The following DCLK2 variants were observed in gnomAD, a reference collection of about 807,000 sequenced individuals.
DCLK2 encodes the protein serine/threonine-protein kinase DCLK2.
Under a neutral mutation model 78.4 loss-of-function variants are expected in DCLK2, and 31 were observed. The observed-to-expected ratio is 0.40, with a 90% confidence interval of 0.30 to 0.53. The LOEUF (loss-of-function observed/expected upper bound fraction) is 0.53. Among genes scored for constraint, DCLK2 ranks in the 20% least tolerant of loss-of-function variants. DCLK2 has a pLI of 0.61. For synonymous variants in DCLK2, 407 were observed against 374.9 expected (o/e 1.09, Z -0.99); for missense variants, 872 against 973.7 (o/e 0.90, Z 1.39).
intron 5 of DCLK2, among the ~76,000 whole-genome samples, chr4:150,215,694 T>C (rs911933605): frequency 1.3e-5 from 2 of 152,200 alleles, no homozygotes; most frequent in Admixed American, 6.5e-5. Flanking sequence ...GGAGGCTTCA[T>C]TACATAGGCA....
chr4:150,079,137 C>T lies in DCLK2; in HGVS notation c.110C>T (p.Ser37Leu). ...AGCTCCTCCGGGGGCAGCAGCAGCT[C>T]GGGCCCCAAGGGGAACGGGCTCATC... ...APSSSGGSSSSGPKGNGLIPS... is the reference protein window; with the variant it reads ...APSSSGGSSSLGPKGNGLIPS... The change falls in exon 1 of 16, where the codon TCG becomes TTG. Residue 37 changes from serine (S) to leucine (L), a missense_variant. Physicochemically the swap from Ser to Leu is moderately radical, Grantham distance 145. Transcript: ENST00000296550. 6.3e-7 allele frequency: 1 copy of T among 1,590,444 alleles called. No homozygotes were observed. The highest frequency in any genetic ancestry group is 1.2e-5 in the South Asian group (1 of 86,880).
intron 2 of DCLK2, among the ~76,000 whole-genome samples, chr4:150,136,976 C>CTCCTTT (rs1733734239): frequency 9.0e-6 from 1 of 110,702 alleles, no homozygotes; most frequent in African/African-American, 3.2e-5. Context: ...TCTTCTTCTT[C>CTCCTTT]TTCTTTTTTT....
chr4:150,172,447 CA>C (rs775545339), intron 2 of DCLK2, among the ~76,000 whole-genome samples: 22 of 146,822 alleles, frequency 1.5e-4, no homozygotes, highest in Non-Finnish European at 2.1e-4. Context: ...ACGAAAAATA[CA>C]AAAAAAAAAT....
intron 1 of DCLK2, 23 bp downstream of exon 1, chr4:150,079,471 G>T (rs753712394): frequency 1.3e-5 from 19 of 1,448,362 alleles, no homozygotes; most frequent in Non-Finnish European, 1.6e-5. Flanking sequence ...GGCGCCGCAC[G>T]GCAGGTGCGG....
chr4:150,250,444 G>A (rs757429898), intron 15 of DCLK2, among the ~76,000 whole-genome samples: 2 of 152,078 alleles, frequency 1.3e-5, no homozygotes, highest in Non-Finnish European at 2.9e-5. Context: ...GGGCGGGAAG[G>A]CCAGCTCACC....
At chr4:150,249,519 A>G in intron 14 of DCLK2, 49 bp from the exon 15 acceptor site, 1 of 1,547,628 alleles carries the variant, frequency 6.5e-7, no homozygotes, top group Non-Finnish European at 8.9e-7. Context: ...AGACAACTCA[A>G]ACGGGAGGAT....
chr4:150,124,819 T>G (rs906616500), intron 2 of DCLK2, among the ~76,000 whole-genome samples: 2 of 152,234 alleles, frequency 1.3e-5, no homozygotes, highest in African/African-American at 4.8e-5. Flanking sequence ...GATTTTCTCT[T>G]GCAGAGCATT....
chr4:150,217,956 C>CT (rs779721764), intron 5 of DCLK2, among the ~76,000 whole-genome samples: 103 of 152,344 alleles, frequency 6.8e-4, no homozygotes, highest in East Asian at 3.1e-3. Context: ...TGCTAAGAAG[C>CT]TGCATTTCCT....
At chr4:150,248,232 C>T in intron 13 of DCLK2, 73 bp from the exon 14 acceptor site, 1 of 1,385,388 alleles carries the variant, frequency 7.2e-7, no homozygotes, top group Non-Finnish European at 1.0e-6. Flanking sequence ...GCCACAAACT[C>T]AGATTTCTGT....
intron 8 of DCLK2, among the ~76,000 whole-genome samples, 169 bp downstream of exon 8, chr4:150,224,727 A>G (rs908808380): frequency 6.6e-6 from 1 of 152,202 alleles, no homozygotes; most frequent in Admixed American, 6.5e-5. Flanking sequence ...TATTTTTCAG[A>G]AACTTTAATC....
At position 150,175,121 on chromosome 4, in the gene DCLK2, TTA is replaced by T. The variant is rs1284988893; in HGVS notation, c.757-18006_757-18005del. 4.4e-4 allele frequency among the ~76,000 whole-genome samples: 36 copies of T among 80,978 alleles called. 5 individuals are homozygous for T. The highest frequency in any genetic ancestry group is 8.8e-4 in the African/African-American group (13 of 14,772). The allele number at this position is 80,978 out of a possible 152,430, so 53.1% of individuals were successfully genotyped here. A position where few individuals can be genotyped will look rare whatever the true frequency, so the allele number is the denominator to read the frequency against. On this transcript the variant is annotated intron_variant, in intron 2 of 15. Transcript: ENST00000296550. ...ATATATATTTATATATTTATATTTT[TTA>T]TATATATATAATTTATGTATATTTT...
At chr4:150,166,850 C>A (rs566795765) in intron 2 of DCLK2, among the ~76,000 whole-genome samples, 1 of 152,190 alleles carries the variant, frequency 6.6e-6, no homozygotes, top group Non-Finnish European at 1.5e-5. Flanking sequence ...AGCAGCACTT[C>A]TGACTTTTTT....
chr4:150,106,249 A>G (rs1731245412), intron 2 of DCLK2, among the ~76,000 whole-genome samples: 1 of 152,176 alleles, frequency 6.6e-6, no homozygotes, highest in Admixed American at 6.5e-5. Context: ...CAAAACTTCA[A>G]GTCTGTTTTT....
At chr4:150,096,362 A>G (rs1191229048) in intron 1 of DCLK2, among the ~76,000 whole-genome samples, 1 of 152,216 alleles carries the variant, frequency 6.6e-6, no homozygotes, top group East Asian at 1.9e-4. Context: ...AGCATGTGAG[A>G]TATTCATAGA....
intron 2 of DCLK2, among the ~76,000 whole-genome samples, chr4:150,179,952 TAA>T (rs10716549): frequency 6.6e-6 from 1 of 151,894 alleles, no homozygotes; most frequent in Non-Finnish European, 1.5e-5. Flanking sequence ...AGTTGATCCT[TAA>T]AAAAAAATCC....
At chr4:150,097,554 A>G (rs1730554305) in intron 1 of DCLK2, among the ~76,000 whole-genome samples, 2 of 152,240 alleles carry the variant, frequency 1.3e-5, no homozygotes, top group African/African-American at 2.4e-5. Flanking sequence ...CCTTCTAAAC[A>G]TATACCCAAC....
chr4:150,227,115 A>G (rs1178199681), intron 8 of DCLK2, among the ~76,000 whole-genome samples: 1 of 152,204 alleles, frequency 6.6e-6, no homozygotes, highest in African/African-American at 2.4e-5. Flanking sequence ...AAAAAGTCAC[A>G]CAGAGACTGA....
intron 12 of DCLK2, among the ~76,000 whole-genome samples, chr4:150,243,550 A>G (rs112951152): frequency 2.0e-5 from 3 of 152,354 alleles, no homozygotes; most frequent in African/African-American, 7.2e-5. Flanking sequence ...TCCTTCACAT[A>G]TTTCAAATAG....
intron 7 of DCLK2, 31 bp from the exon 8 acceptor site, chr4:150,224,470 T>C: frequency 6.4e-7 from 1 of 1,569,038 alleles, no homozygotes; most frequent in Non-Finnish European, 8.6e-7. Flanking sequence ...AATTTATGTC[T>C]TTAAATGGTC....
Sources: gnomAD v4.1 joint callset for allele counts (sites outside exome capture counted in the v4.1 genomes callset) on GRCh38, gnomAD v4.1.1 for gene constraint, MANE v1.5 for transcripts, NCBI Gene and HGNC (gene_info 2026-07-23, HGNC 2026-07-21) for gene names.